Variants in PARD3B observed in about 807,000 individuals in gnomAD.
PARD3B encodes the protein partitioning defective 3 homolog B.
PARD3B carries 103 observed loss-of-function variants against 130.2 expected under a neutral mutation model. The observed-to-expected ratio is 0.79, with a 90% CI of 0.67 to 0.93. The LOEUF is 0.93. Among genes scored for constraint, PARD3B ranks in the 40% least tolerant of loss-of-function variants. The probability of loss-of-function intolerance (pLI) is 0.00; values close to 1 mark genes in which losing one functional copy is unlikely to be tolerated. For missense variants in PARD3B, 1,609 were observed against 1,499.2 expected (o/e 1.07, Z -1.21); for synonymous variants, 583 against 553.2 (o/e 1.05, Z -0.76).
At chr2:205,491,686 C>T (rs764215902) in intron 20 of PARD3B, among the ~76,000 whole-genome samples, 3 of 152,108 alleles carry the variant, frequency 2.0e-5, no homozygotes, top group African/African-American at 7.2e-5. Flanking sequence ...ATTTCCAAGA[C>T]AAGTCTTCGA....
At chr2:204,883,451 ATATATT>A (rs1439794556) in intron 2 of PARD3B, among the ~76,000 whole-genome samples, 11 of 106,484 alleles carry the variant, frequency 1.0e-4, no homozygotes, top group African/African-American at 5.6e-4. Context: ...ATATATATAT[ATATATT>A]TTTTTTTTTG....
chr2:205,367,559 A>G (rs1331620881), intron 18 of PARD3B, among the ~76,000 whole-genome samples: 2 of 152,216 alleles, frequency 1.3e-5, no homozygotes, highest in African/African-American at 2.4e-5. Context: ...GACAGCCCTA[A>G]AAGGTTCTCA....
chr2:205,603,164 G>A (rs749087545), intron 22 of PARD3B, among the ~76,000 whole-genome samples: 13 of 152,204 alleles, frequency 8.5e-5, no homozygotes, highest in East Asian at 1.9e-4. Flanking sequence ...ATGCAGTTGT[G>A]TGGTTTTGAA....
At chr2:204,851,390 A>G (rs1057268344) in intron 2 of PARD3B, among the ~76,000 whole-genome samples, 1 of 152,216 alleles carries the variant, frequency 6.6e-6, no homozygotes, top group African/African-American at 2.4e-5. Context: ...GATTTAATAG[A>G]ATAGCAGAAG....
rs150305864 is a variant in PARD3B at position 204,828,507 on chromosome 2, G to A, written c.223-136645G>A. On this transcript the variant is annotated intron_variant, in intron 2 of 22. Coordinates refer to ENST00000406610, the MANE Select transcript of PARD3B (RefSeq NM_001302769.2). ...GAGAGCCTTTTTTATACCATAGTCC[G>A]GGGAATTGTTTGTGTCTCAAAACTT... Among the ~76,000 whole-genome samples the A allele has an allele frequency of 1.3e-3, 194 of 152,218 alleles. 1 individual carries two copies. The highest frequency in any genetic ancestry group is 4.1e-3 in the African/African-American group (171 of 41,530).
intron 2 of PARD3B, among the ~76,000 whole-genome samples, chr2:204,691,893 T>G (rs1325070593): frequency 6.6e-6 from 1 of 152,150 alleles, no homozygotes; most frequent in Non-Finnish European, 1.5e-5. Context: ...ATTAATATAT[T>G]GTTATTATTT....
intron 20 of PARD3B, among the ~76,000 whole-genome samples, chr2:205,471,518 C>T (rs1013784265): frequency 1.6e-4 from 24 of 152,082 alleles, no homozygotes; most frequent in African/African-American, 5.1e-4. Context: ...TGCGCCACCA[C>T]GCCTGGCTAA....
At chr2:205,597,210 A>G (rs1481130338) in intron 22 of PARD3B, among the ~76,000 whole-genome samples, 1 of 152,062 alleles carries the variant, frequency 6.6e-6, no homozygotes, top group Non-Finnish European at 1.5e-5. Flanking sequence ...CCCAGAGCCT[A>G]TTGTTCTCAT....
intron 11 of PARD3B, among the ~76,000 whole-genome samples, chr2:205,168,220 A>G (rs543946293): frequency 1.5e-4 from 22 of 151,142 alleles, no homozygotes; most frequent in Non-Finnish European, 1.9e-4. Flanking sequence ...GAAGCGGGGA[A>G]CATAATTGAA....
intron 2 of PARD3B, among the ~76,000 whole-genome samples, chr2:204,806,128 GA>G (rs528362483): frequency 3.5e-4 from 52 of 148,642 alleles, no homozygotes; most frequent in South Asian, 8.6e-4. Context: ...AAAAAATAGG[GA>G]AAAAAAAAAT....
intron 15 of PARD3B, among the ~76,000 whole-genome samples, chr2:205,238,849 A>AAAATATATAT (rs1273582854): frequency 1.3e-4 from 10 of 76,904 alleles, no homozygotes; most frequent in Non-Finnish European, 2.3e-4. Context: ...AAAAAAAAAA[A>AAAATATATAT]ATATATATAT....
At chr2:204,764,712 A>ATGTGTGTGTGTGTGTGTGTGTGTGTG (rs1387737555) in intron 2 of PARD3B, among the ~76,000 whole-genome samples, 8 of 42,996 alleles carry the variant, frequency 1.9e-4, no homozygotes, top group African/African-American at 4.1e-4. Context: ...TCTGGCATGC[A>ATGTGTGTGTGTGTGTGTGTGTGTGTG]TGCGTGTGTG....
Position 204,576,166 on chromosome 2 carries a change from AT to A in PARD3B, c.120+30050del, listed in dbSNP as rs2032247347. ...CTAGCCTTTGGTCTGATTTTTGAAT[AT>A]TTGATTTGGATATTTGACTCTTTTT... On this transcript the variant is annotated intron_variant, in intron 1 of 22. Coordinates refer to ENST00000406610, the MANE Select transcript of PARD3B (RefSeq NM_001302769.2). Among the ~76,000 whole-genome samples the A allele has an allele frequency of 2.6e-5, 4 of 152,202 alleles. No homozygotes were observed. In the South Asian group the frequency reaches 8.3e-4, roughly 32 times the overall value.
At chr2:205,359,804 G>A (rs537192110) in intron 18 of PARD3B, among the ~76,000 whole-genome samples, 4 of 151,934 alleles carry the variant, frequency 2.6e-5, no homozygotes, top group South Asian at 2.1e-4. Context: ...ACCCTTTACC[G>A]CACAATGACA....
chr2:204,940,690 AGCTCTGTTGTC>A (rs1559281684), intron 2 of PARD3B, among the ~76,000 whole-genome samples: 1 of 152,154 alleles, frequency 6.6e-6, no homozygotes, highest in Admixed American at 6.5e-5. Context: ...TTTGAAGGCT[AGCTCTGTTGTC>A]GCAGTGGTTT....
Position 205,195,830 on chromosome 2 carries a change from T to TA in PARD3B, c.2140+2520dup, listed in dbSNP as rs368949823. 7.7e-3 allele frequency among the ~76,000 whole-genome samples: 1,160 copies of TA among 151,192 alleles called. 16 individuals carry two copies. Among genetic ancestry groups the TA allele is most frequent in the African/African-American group, 0.026 (1,074 of 41,296 alleles). On this transcript the variant is annotated intron_variant, in intron 15 of 22. Transcript: ENST00000406610. ...CAGCATTTTCATATGGTTCAAAATTTAAAAAAAAAACCTTCTATTTGTTAC... is the reference window on the plus strand; with the variant it reads ...CAGCATTTTCATATGGTTCAAAATTTAAAAAAAAAAACCTTCTATTTGTTAC...
intron 18 of PARD3B, among the ~76,000 whole-genome samples, chr2:205,364,382 A>G (rs931778027): frequency 1.3e-5 from 2 of 152,032 alleles, no homozygotes; most frequent in Non-Finnish European, 2.9e-5. Flanking sequence ...TTTGTCCCCT[A>G]TTACTCAAGC....
At chr2:205,197,009 GA>G (rs1181167386) in intron 15 of PARD3B, among the ~76,000 whole-genome samples, 1 of 147,116 alleles carries the variant, frequency 6.8e-6, no homozygotes, top group African/African-American at 2.5e-5. Flanking sequence ...GATGAAACAG[GA>G]ATGCTTCCAC....
At chr2:204,713,810 A>C (rs1184025389) in intron 2 of PARD3B, among the ~76,000 whole-genome samples, 1 of 125,058 alleles carries the variant, frequency 8.0e-6, no homozygotes, top group Non-Finnish European at 1.7e-5. Flanking sequence ...TTCATTTATC[A>C]ATGTTGTTCA....
Sources: allele counts gnomAD v4.1 joint callset (sites outside exome capture counted in the v4.1 genomes callset), GRCh38; gene constraint gnomAD v4.1.1; transcripts MANE v1.5; gene names NCBI Gene and HGNC (gene_info 2026-07-23, HGNC 2026-07-21).